Variants in MARF1 observed in about 807,000 individuals in gnomAD.
The protein encoded by MARF1 is limkain-b1.
MARF1 carries 24 observed loss-of-function variants against 168.2 expected under a neutral mutation model. The observed-to-expected ratio is 0.14, with a 90% confidence interval of 0.10 to 0.20. MARF1 has a LOEUF of 0.20. MARF1 is among the 10% of genes least tolerant of loss of function. The probability of loss-of-function intolerance (pLI) is 1.00; values close to 1 mark genes in which losing one functional copy is unlikely to be tolerated. For missense variants in MARF1, 1,744 were observed against 2,143.6 expected, an observed-to-expected ratio of 0.81 and a Z score of 3.68; for synonymous variants, 868 against 822.4, an observed-to-expected ratio of 1.06 and a Z score of -0.95.
intron 26 of MARF1, 149 bp from the exon 27 acceptor site, chr16:15,597,086 G>T: frequency 1.2e-6 from 1 of 820,324 alleles, no homozygotes; most frequent in Middle Eastern, 3.9e-4. Context: ...CATATGAGTT[G>T]TGTGGCCAGT....
At chr16:15,614,001 T>C (rs2033820400) in intron 16 of MARF1, among the ~76,000 whole-genome samples, 1 of 152,180 alleles carries the variant, frequency 6.6e-6, no homozygotes, top group South Asian at 2.1e-4. Context: ...GCAGCAGCCT[T>C]GGATATCTGC....
rs766181869 is a variant in MARF1 at position 15,621,896 on chromosome 16, G to A, written c.2476C>T (p.Leu826Phe). 6.2e-7 allele frequency: 1 copy of A among 1,613,666 alleles called. No homozygotes were observed. Among genetic ancestry groups the A allele is most frequent in the Non-Finnish European group, 8.5e-7 (1 of 1,179,872 alleles). ...AGTTGATAATCTGTATGGGGGCTGA[G>A]CTCAACACTCTTCACCTACAACAGG... The part of the protein sequence containing the change: ...ARHGKVKSVE[L>F]SPHTDYQLKA... Residue 826 changes from leucine to phenylalanine, a missense_variant, in exon 12 of 27, where the codon CTC (leucine) becomes TTC (phenylalanine). Physicochemically the swap from Leu to Phe is conservative, Grantham distance 22. Around this residue, in one of 7 missense-constraint regions of MARF1, gnomAD observed 543 missense variants for 742.1 expected, o/e 0.73. Coordinates refer to ENST00000396368, the MANE Select transcript of MARF1 (RefSeq NM_014647.4).
At chr16:15,600,835 T>A in intron 23 of MARF1, 134 bp from the exon 24 acceptor site, 2 of 872,198 alleles carry the variant, frequency 2.3e-6, no homozygotes, top group Non-Finnish European at 3.8e-6. Flanking sequence ...AAGAAGCATG[T>A]TTCTCTACTC....
At chr16:15,608,256 G>C (rs751619379) in intron 21 of MARF1, 35 bp downstream of exon 21, 34 of 1,277,432 alleles carry the variant, frequency 2.7e-5, no homozygotes, top group Non-Finnish European at 4.3e-6. Context: ...TTTATCCCAT[G>C]AGGGAAAAAA....
At position 15,612,540 on chromosome 16, in the gene MARF1, C is replaced by T. The variant is rs183379308; in HGVS notation, c.3474+17G>A. On this transcript the variant is annotated intron_variant, in intron 17 of 26. Transcript: ENST00000396368. ...ACATTCCTGCCTGTAAACAAGTAAT[C>T]CCGTGACACGCCTTACCTGCAATAC... 3.7e-6 allele frequency: 6 copies of T among 1,601,844 alleles called. No individual in the cohort carries two copies. The East Asian group carries it at 1.3e-4, about 36-fold the overall frequency.
At chr16:15,614,072 TTTTAAA>T (rs2033826686) in intron 16 of MARF1, among the ~76,000 whole-genome samples, 1 of 152,212 alleles carries the variant, frequency 6.6e-6, no homozygotes, top group African/African-American at 2.4e-5. Context: ...TACCTTGGTC[TTTTAAA>T]TTTATTTTCA....
chr16:15,600,559 G>T lies in MARF1; in HGVS notation c.4688-6C>A, dbSNP rs781188972. 6.2e-7 allele frequency: 1 copy of T among 1,614,192 alleles called. No homozygotes were observed. Among genetic ancestry groups the T allele is most frequent in the South Asian group, 1.1e-5 (1 of 91,084 alleles). On this transcript the variant is annotated splice_polypyrimidine_tract_variant and splice_region_variant and intron_variant, in intron 24 of 26. Transcript: ENST00000396368. ...ACTGAGTGAACTCAAACGACCTACA[G>T]GACAAAGAGCACCCGTCAGAGAGAA...
rs765882078 is a variant in MARF1 at position 15,623,050 on chromosome 16, C to A, written c.2344G>T (p.Asp782Tyr). Reference sequence around the variant, plus strand: ...CCATTTGCAAATGGGTCTGGGCAGTCGGCTTCGCTGCTCGAATTTGCAATG... The same window carrying A: ...CCATTTGCAAATGGGTCTGGGCAGTAGGCTTCGCTGCTCGAATTTGCAATG... ...FNIANSSSEADCPDPFANGAD... is the reference protein window; with the variant it reads ...FNIANSSSEAYCPDPFANGAD... The change falls in exon 11 of 27, where the codon GAC becomes TAC. Residue 782 changes from aspartate to tyrosine, a missense_variant. Transcript: ENST00000396368. The A allele has an allele frequency of 1.2e-6, 2 of 1,610,668 alleles. No individual in the cohort carries two copies. Among genetic ancestry groups the A allele is most frequent in the Non-Finnish European group, 1.7e-6 (2 of 1,177,232 alleles).
At chr16:15,630,533 TC>T (rs1167565907) in intron 6 of MARF1, 29 bp from the exon 7 acceptor site, 1 of 1,575,808 alleles carries the variant, frequency 6.3e-7, no homozygotes, top group East Asian at 2.3e-5. Flanking sequence ...ACCAACCCCA[TC>T]CCCAAACATT....
At position 15,630,158 on chromosome 16, in the gene MARF1, T is replaced by C. The variant is rs1225416959; in HGVS notation, c.1524+174A>G. 4.8e-5 allele frequency: 22 copies of C among 456,438 alleles called. No individual in the cohort carries two copies. The East Asian group carries it at 6.7e-4, about 14-fold the overall frequency. The allele number at this position is 456,438 out of a possible 1,614,324, so 28.3% of individuals were successfully genotyped here. ...TAAAAGCAAACTTCATACATACCAA[T>C]TATCTGTATATTTGTGAGAAGAACC... On this transcript the variant is annotated intron_variant, in intron 7 of 26. Transcript: ENST00000396368.
At chr16:15,634,412 G>A (rs1335022094) in intron 4 of MARF1, among the ~76,000 whole-genome samples, 2 of 152,160 alleles carry the variant, frequency 1.3e-5, no homozygotes, top group African/African-American at 4.8e-5. Flanking sequence ...TTTTTAATCA[G>A]CCATTAGTAA....
At chr16:15,620,857 G>C (rs1453905288) in intron 12 of MARF1, among the ~76,000 whole-genome samples, 2 of 152,114 alleles carry the variant, frequency 1.3e-5, no homozygotes, top group African/African-American at 4.8e-5. Context: ...TGTGATTGGC[G>C]TTCCCATAGA....
In MARF1 at chr16:15,634,908, A is replaced by G. The variant is rs200313993; in HGVS notation, c.855T>C (p.Asp285=). Residue 285 remains aspartate, a synonymous_variant, in exon 4 of 27, where the codon GAT becomes GAC. Coordinates refer to ENST00000396368, the MANE Select transcript of MARF1 (RefSeq NM_014647.4). ...LNKPARNSII[D]AAKVWPNIPP... ...GTATATTTGGCCAGACTTTAGCCGC[A>G]TCGATTATGCTATTTCTTGCTGGCT... 2.0e-5 allele frequency: 33 copies of G among 1,613,510 alleles called. No homozygotes were observed. The highest frequency in any genetic ancestry group is 2.6e-5 in the Non-Finnish European group (31 of 1,179,862).
chr16:15,631,533 A>T (rs746375710), intron 5 of MARF1, 35 bp from the exon 6 acceptor site: 2 of 1,441,304 alleles, frequency 1.4e-6, no homozygotes, highest in South Asian at 2.4e-5. Flanking sequence ...AATAAGCAGG[A>T]GCTGAGGCTA....
At chr16:15,636,825 A>G (rs906759719) in intron 2 of MARF1, among the ~76,000 whole-genome samples, 1 of 152,228 alleles carries the variant, frequency 6.6e-6, no homozygotes, top group African/African-American at 2.4e-5. Context: ...GGAAAAGAGT[A>G]AAGTTTCAAA....
intron 17 of MARF1, among the ~76,000 whole-genome samples, chr16:15,612,084 T>C (rs1002123195): frequency 6.6e-6 from 1 of 152,206 alleles, no homozygotes; most frequent in Non-Finnish European, 1.5e-5. Context: ...CCGTTTTTAG[T>C]GAGTGGGAAG....
chr16:15,623,830 T>C (rs2034639414), intron 10 of MARF1, among the ~76,000 whole-genome samples: 1 of 152,148 alleles, frequency 6.6e-6, no homozygotes, highest in African/African-American at 2.4e-5. Flanking sequence ...CTTGCCTACA[T>C]GTTACAGTTC....
chr16:15,623,148 T>A, intron 10 of MARF1, 25 bp from the exon 11 acceptor site: 1 of 1,524,728 alleles, frequency 6.6e-7, no homozygotes. Flanking sequence ...CATATTGACA[T>A]TATTTTAAAA....
intron 6 of MARF1, 82 bp from the exon 7 acceptor site, chr16:15,630,586 TGAG>T: frequency 7.7e-7 from 1 of 1,294,056 alleles, no homozygotes; most frequent in Non-Finnish European, 1.0e-6. Flanking sequence ...TGACACCCAC[TGAG>T]AAGAAAGGAA....
Sources: gnomAD v4.1 joint callset for allele counts (sites outside exome capture counted in the v4.1 genomes callset) on GRCh38, gnomAD v4.1.1 for gene constraint, gnomAD v4.1.1 regional missense constraint, MANE v1.5 for transcripts, NCBI Gene and HGNC (gene_info 2026-07-23, HGNC 2026-07-21) for gene names.